Variants in ANKRD12 observed in about 807,000 individuals in gnomAD.
The protein encoded by ANKRD12 is ankyrin repeat domain-containing protein 12.
Under a neutral mutation model 183.4 loss-of-function variants are expected in ANKRD12, and 85 were observed. That is an observed-to-expected ratio of 0.46 (90% confidence interval 0.39 to 0.56). The LOEUF is 0.56. Among genes scored for constraint, ANKRD12 ranks in the 20% least tolerant of loss-of-function variants. ANKRD12 has a pLI of 0.00. For synonymous variants in ANKRD12, 914 were observed against 800.2 expected, an observed-to-expected ratio of 1.14 and a Z score of -2.40; for missense variants, 2,405 against 2,357.1, an observed-to-expected ratio of 1.02 and a Z score of -0.42.
intron 1 of ANKRD12, among the ~76,000 whole-genome samples, chr18:9,176,583 G>A (rs1370685478): frequency 4.0e-5 from 6 of 151,834 alleles, no homozygotes; most frequent in Non-Finnish European, 7.4e-5. Context: ...GAACCTCTGT[G>A]CCCAGCCCAA....
chr18:9,277,321 C>CTTTT (rs773999861), intron 11 of ANKRD12, among the ~76,000 whole-genome samples: 23 of 84,634 alleles, frequency 2.7e-4, no homozygotes, highest in Non-Finnish European at 4.1e-4. Flanking sequence ...CACCCTGTTT[C>CTTTT]TTTTTTTTTT....
chr18:9,215,766 C>T (rs1424803182), intron 6 of ANKRD12, among the ~76,000 whole-genome samples: 2 of 152,046 alleles, frequency 1.3e-5, no homozygotes, highest in African/African-American at 4.8e-5. Flanking sequence ...GGATTTACCA[C>T]AGAACCAGTC....
At chr18:9,178,220 CTT>C (rs2033429281) in intron 1 of ANKRD12, among the ~76,000 whole-genome samples, 1 of 152,034 alleles carries the variant, frequency 6.6e-6, no homozygotes, top group Non-Finnish European at 1.5e-5. Flanking sequence ...CTAAAATACT[CTT>C]GTTTTCTGCT....
chr18:9,243,782 A>G (rs1227665590), intron 8 of ANKRD12, among the ~76,000 whole-genome samples: 2 of 152,268 alleles, frequency 1.3e-5, no homozygotes, highest in African/African-American at 4.8e-5. Context: ...TAAAAAATGG[A>G]CAAAACATAC....
Position 9,256,124 on chromosome 18 carries a change from GAAA to G in ANKRD12, c.2860_2862del (p.Lys954del), listed in dbSNP as rs777993175. On this transcript the variant is annotated inframe_deletion, in exon 9 of 13. Transcript: ENST00000262126. ...TAAATCAGAAAAAGGCAAAAATAAA[GAAA>G]AAGACAGGGAGCTAGATAAAAAGGA... 1.7e-5 allele frequency: 26 copies of G among 1,554,220 alleles called. No individual in the cohort carries two copies. The East Asian group carries it at 3.9e-4, about 23-fold the overall frequency.
At chr18:9,280,714 A>C (rs555110855) in intron 12 of ANKRD12, among the ~76,000 whole-genome samples, 1 of 152,008 alleles carries the variant, frequency 6.6e-6, no homozygotes, top group Non-Finnish European at 1.5e-5. Flanking sequence ...GCTTGAACCC[A>C]GGAGGCGGAG....
chr18:9,262,816 T>G lies in ANKRD12; in HGVS notation c.5665-974T>G, dbSNP rs1026570147. Among the ~76,000 whole-genome samples the G allele has an allele frequency of 1.9e-3, 259 of 133,970 alleles. 1 individual carries two copies. The highest frequency in any genetic ancestry group is 7.3e-3 in the African/African-American group (243 of 33,162). The allele number at this position is 133,970 out of a possible 152,430, so 87.9% of individuals were successfully genotyped here. Reference sequence around the variant, plus strand: ...TTTTTTTTTTTTTTTTTTTTTTTTTTGAGACAGAGTCTCGCTCTGTCACCC... The same window carrying G: ...TTTTTTTTTTTTTTTTTTTTTTTTTGGAGACAGAGTCTCGCTCTGTCACCC... On this transcript the variant is annotated intron_variant, in intron 9 of 12. Coordinates refer to ENST00000262126, the MANE Select transcript of ANKRD12 (RefSeq NM_015208.5).
intron 10 of ANKRD12, among the ~76,000 whole-genome samples, chr18:9,274,649 A>G (rs2039749620): frequency 6.6e-6 from 1 of 152,260 alleles, no homozygotes; most frequent in East Asian, 1.9e-4. Flanking sequence ...TAAATACACT[A>G]AAAGCCACTA....
At chr18:9,165,713 AT>A (rs941596870) in intron 1 of ANKRD12, among the ~76,000 whole-genome samples, 2 of 151,308 alleles carry the variant, frequency 1.3e-5, no homozygotes, top group African/African-American at 4.9e-5. Context: ...ATTTATTTTT[AT>A]TTTTTTATTT....
At position 9,257,951 on chromosome 18, in the gene ANKRD12, C is replaced by T; in HGVS notation, c.4684C>T (p.Pro1562Ser). The change falls in exon 9 of 13, where the codon CCA becomes TCA. Residue 1562 changes from proline to serine, a missense_variant. Physicochemically the swap from Pro to Ser is moderately conservative, Grantham distance 74. This residue lies in a region of ANKRD12 where 1,983 missense variants were observed against 1,725.9 expected (regional missense o/e 1.15). Transcript: ENST00000262126. The part of the protein sequence containing the change: ...GDVQKTDAFV[P>S]VYSDSTIQEA... ...TGTTCAAAAAACAGATGCCTTTGTCCCAGTGTACTCTGACAGCACTATTCA... is the reference window on the plus strand; with the variant it reads ...TGTTCAAAAAACAGATGCCTTTGTCTCAGTGTACTCTGACAGCACTATTCA... 6.2e-7 allele frequency: 1 copy of T among 1,613,848 alleles called. No homozygotes were observed. The highest frequency in any genetic ancestry group is 8.5e-7 in the Non-Finnish European group (1 of 1,179,964).
Position 9,255,381 on chromosome 18 carries a change from A to G in ANKRD12, c.2114A>G (p.Glu705Gly). ...AAAGAGAATTTTTTTAAAAGTGATG[A>G]AACTGAAGATCTCTTTTTAAATATG... Reference protein sequence around the residue: ...FWKENFFKSDETEDLFLNMEH... With the variant: ...FWKENFFKSDGTEDLFLNMEH... The change falls in exon 9 of 13, where the codon GAA (glutamate) becomes GGA (glycine). Residue 705 changes from glutamate (E) to glycine (G), a missense_variant. Physicochemically the swap from Glu to Gly is moderately conservative, Grantham distance 98. Around this residue, in one of 7 missense-constraint regions of ANKRD12, gnomAD observed 1,983 missense variants for 1,725.9 expected, o/e 1.15. Coordinates refer to ENST00000262126, the MANE Select transcript of ANKRD12 (RefSeq NM_015208.5). The G allele has an allele frequency of 6.2e-7, 1 of 1,604,244 alleles. No individual in the cohort carries two copies. The highest frequency in any genetic ancestry group is 8.5e-7 in the Non-Finnish European group (1 of 1,177,092).
At chr18:9,181,686 G>T (rs1237654429) in intron 1 of ANKRD12, among the ~76,000 whole-genome samples, 1 of 152,154 alleles carries the variant, frequency 6.6e-6, no homozygotes, top group African/African-American at 2.4e-5. Context: ...AGCCTCATAG[G>T]TTCCTCTTTA....
intron 8 of ANKRD12, among the ~76,000 whole-genome samples, chr18:9,222,644 T>G (rs1479085983): frequency 6.6e-6 from 1 of 152,188 alleles, no homozygotes; most frequent in African/African-American, 2.4e-5. Context: ...AAAGAATTCC[T>G]ATAAGCAATT....
intron 1 of ANKRD12, among the ~76,000 whole-genome samples, chr18:9,158,272 T>C (rs1380587959): frequency 6.6e-6 from 1 of 152,212 alleles, no homozygotes; most frequent in Non-Finnish European, 1.5e-5. Flanking sequence ...CCAATATTAA[T>C]AAATGATTGT....
Position 9,255,619 on chromosome 18 carries a change from A to G in ANKRD12, c.2352A>G (p.Glu784=). 1.3e-6 allele frequency: 2 copies of G among 1,571,118 alleles called. No homozygotes were observed. The highest frequency in any genetic ancestry group is 1.7e-6 in the Non-Finnish European group (2 of 1,168,704). The change falls in exon 9 of 13, where the codon GAA becomes GAG. Residue 784 remains glutamate (E), a synonymous_variant. Coordinates refer to ENST00000262126, the MANE Select transcript of ANKRD12 (RefSeq NM_015208.5). ...ACATACCCACAGATAAAGACTCAGA[A>G]TTTACTTCTTTGGGTATGAGTGCCA... ...RENIPTDKDS[E]FTSLGMSAIE...
chr18:9,175,844 A>G (rs1383749149), intron 1 of ANKRD12, among the ~76,000 whole-genome samples: 1 of 152,130 alleles, frequency 6.6e-6, no homozygotes, highest in Non-Finnish European at 1.5e-5. Context: ...TCTTTTTGAC[A>G]AAGTTCAGCC....
intron 1 of ANKRD12, among the ~76,000 whole-genome samples, chr18:9,174,409 C>G (rs1180524925): frequency 6.6e-6 from 1 of 152,208 alleles, no homozygotes; most frequent in East Asian, 1.9e-4. Flanking sequence ...TGTAAAACTC[C>G]TGGGTTTACG....
chr18:9,275,430 A>G, intron 10 of ANKRD12, 94 bp from the exon 11 acceptor site: 1 of 1,128,822 alleles, frequency 8.9e-7, no homozygotes, highest in Non-Finnish European at 1.3e-6. Flanking sequence ...CTGTGATCAC[A>G]CCACTGCACT....
chr18:9,140,566 C>T (rs1227324592), intron 1 of ANKRD12, among the ~76,000 whole-genome samples: 4 of 152,136 alleles, frequency 2.6e-5, no homozygotes, highest in African/African-American at 4.8e-5. Flanking sequence ...TGAAAGTAAT[C>T]TTAGTAGCAA....
Sources: allele counts gnomAD v4.1 joint callset (sites outside exome capture counted in the v4.1 genomes callset), GRCh38; gene constraint gnomAD v4.1.1; regional missense constraint gnomAD v4.1.1; transcripts MANE v1.5; gene names NCBI Gene and HGNC (gene_info 2026-07-23, HGNC 2026-07-21).